NUP62CL: variants seen among roughly 807,000 people sequenced by gnomAD.
The protein encoded by NUP62CL is nucleoporin 62 C-terminal like.
A neutral mutation model predicts 15.3 loss-of-function variants in NUP62CL; 13 were observed. The ratio of observed to expected loss-of-function variants is 0.85; its 90% CI spans 0.55 to 1.35. The LOEUF (loss-of-function observed/expected upper bound fraction) is 1.35. Ranked by LOEUF, NUP62CL falls within the 40% of genes most tolerant of loss-of-function variation. The pLI is 0.00. For synonymous variants in NUP62CL, 54 were observed against 49.2 expected (o/e 1.10, Z -0.41); for missense variants, 123 against 130.6 (o/e 0.94, Z 0.28).
chrX:107,170,209 T>TAC (rs746061215), intron 3 of NUP62CL, among the ~76,000 whole-genome samples: 141 of 108,614 alleles, frequency 1.3e-3, no homozygotes, highest in East Asian at 2.0e-3. Flanking sequence ...TAAGAATGTG[T>TAC]ACACACACAC....
At chrX:107,132,765 T>G (rs1925550400) in intron 8 of NUP62CL, among the ~76,000 whole-genome samples, 2 of 111,895 alleles carry the variant, frequency 1.8e-5, no homozygotes, top group Admixed American at 1.9e-4. Context: ...TCTCAAAAAA[T>G]AAGTAAAATG....
intron 2 of NUP62CL, among the ~76,000 whole-genome samples, chrX:107,184,293 AGAG>A (rs757124159): frequency 1.8e-3 from 89 of 50,110 alleles, no homozygotes; most frequent in African/African-American, 0.012. Context: ...GCACAAAAAA[AGAG>A]AAGAAAGAAA....
chrX:107,129,222 T>C (rs1367625043), intron 8 of NUP62CL, among the ~76,000 whole-genome samples: 2 of 111,477 alleles, frequency 1.8e-5, no homozygotes, highest in Non-Finnish European at 3.8e-5. Flanking sequence ...GAATATGGAA[T>C]TAGTAGAGCT....
intron 8 of NUP62CL, among the ~76,000 whole-genome samples, chrX:107,124,657 A>G (rs1569352226): frequency 9.0e-6 from 1 of 111,201 alleles, no homozygotes; most frequent in Non-Finnish European, 1.9e-5. Flanking sequence ...TAGTCATTAA[A>G]TTGGGAGTAT....
intron 1 of NUP62CL, among the ~76,000 whole-genome samples, chrX:107,203,698 A>G (rs1356303912): frequency 8.9e-6 from 1 of 111,827 alleles, no homozygotes; most frequent in African/African-American, 3.3e-5. Flanking sequence ...AAAATTTCCA[A>G]AACAGTATTA....
intron 2 of NUP62CL, among the ~76,000 whole-genome samples, chrX:107,189,940 AG>A (rs1193375833): frequency 0.036 from 3,734 of 104,718 alleles, 165 homozygotes; most frequent in African/African-American, 0.066. Context: ...AAAGAAAGAA[AG>A]AAAGAGAATC....
At chrX:107,156,230 A>C (rs1209222139) in intron 4 of NUP62CL, among the ~76,000 whole-genome samples, 9 of 111,692 alleles carry the variant, frequency 8.1e-5, no homozygotes, top group Non-Finnish European at 1.5e-4. Context: ...CCCAGGCTTG[A>C]TTAGGTAAAC....
intron 3 of NUP62CL, 44 bp downstream of exon 3, chrX:107,175,045 C>T: frequency 1.0e-6 from 1 of 979,140 alleles, no homozygotes; most frequent in African/African-American, 1.9e-5. Context: ...AGTAAGGTGG[C>T]ATCATGGGAA....
intron 4 of NUP62CL, among the ~76,000 whole-genome samples, chrX:107,164,946 A>C (rs1317772780): frequency 8.9e-6 from 1 of 112,046 alleles, no homozygotes; most frequent in Admixed American, 9.4e-5. Flanking sequence ...TAAAAATACA[A>C]AAAAATTAAC....
chrX:107,165,150 T>A (rs1381609534), intron 4 of NUP62CL, among the ~76,000 whole-genome samples: 1 of 108,525 alleles, frequency 9.2e-6, no homozygotes, highest in Non-Finnish European at 1.9e-5. Flanking sequence ...AAAACAAAGA[T>A]TAGCTGGACG....
At chrX:107,204,044 CT>C (rs1035001166) in intron 1 of NUP62CL, among the ~76,000 whole-genome samples, 31 of 108,793 alleles carry the variant, frequency 2.8e-4, no homozygotes, top group Admixed American at 2.4e-3. Context: ...CACCATTATT[CT>C]TTTTTTTTAT....
intron 2 of NUP62CL, among the ~76,000 whole-genome samples, chrX:107,179,599 T>C (rs906826056): frequency 3.2e-4 from 36 of 112,441 alleles, no homozygotes; most frequent in African/African-American, 1.2e-3. Flanking sequence ...ATTCTTTTTA[T>C]GGCTGCATAG....
intron 2 of NUP62CL, among the ~76,000 whole-genome samples, chrX:107,179,449 A>G (rs1046972491): frequency 9.0e-6 from 1 of 110,977 alleles, no homozygotes; most frequent in African/African-American, 3.3e-5. Flanking sequence ...AGTGTTTATT[A>G]TTTTCATTTT....
At chrX:107,187,099 A>C (rs1927081937) in intron 2 of NUP62CL, among the ~76,000 whole-genome samples, 1 of 111,952 alleles carries the variant, frequency 8.9e-6, no homozygotes, top group East Asian at 2.8e-4. Context: ...TAAATAATAC[A>C]TGGGTCAGAG....
chrX:107,185,027 G>A (rs1207000254), intron 2 of NUP62CL, among the ~76,000 whole-genome samples: 1 of 110,254 alleles, frequency 9.1e-6, no homozygotes, highest in Non-Finnish European at 1.9e-5. Flanking sequence ...GGCATTGAGA[G>A]ATGATGGAAA....
At chrX:107,205,568 T>C (rs1183397351) in intron 1 of NUP62CL, among the ~76,000 whole-genome samples, 1 of 111,141 alleles carries the variant, frequency 9.0e-6, no homozygotes, top group Non-Finnish European at 1.9e-5. Flanking sequence ...GTTTAGTTCA[T>C]TCATAATCAA....
intron 1 of NUP62CL, among the ~76,000 whole-genome samples, chrX:107,194,289 G>A (rs1236778932): frequency 3.6e-5 from 4 of 110,844 alleles, no homozygotes; most frequent in Non-Finnish European, 5.7e-5. Context: ...ACACATACCC[G>A]TTATATACAA....
At chrX:107,203,921 T>A (rs1384490591) in intron 1 of NUP62CL, among the ~76,000 whole-genome samples, 26 of 111,833 alleles carry the variant, frequency 2.3e-4, no homozygotes, top group African/African-American at 8.4e-4. Flanking sequence ...TTAGCTAAAC[T>A]ATATCCATTT....
intron 8 of NUP62CL, among the ~76,000 whole-genome samples, chrX:107,147,127 A>G (rs1925899583): frequency 8.9e-6 from 1 of 112,034 alleles, no homozygotes; most frequent in African/African-American, 3.2e-5. Flanking sequence ...GACTTCTATT[A>G]TCACTAATAT....
Sources: gnomAD v4.1 joint callset for allele counts (sites outside exome capture counted in the v4.1 genomes callset) on GRCh38, gnomAD v4.1.1 for gene constraint, MANE v1.5 for transcripts, NCBI Gene and HGNC (gene_info 2026-07-23, HGNC 2026-07-21) for gene names.